Variants in SPATS2 observed in about 807,000 individuals in gnomAD.
SPATS2 encodes the protein spermatogenesis-associated serine-rich protein 2.
Under a neutral mutation model 63.7 loss-of-function variants are expected in SPATS2, and 38 were observed. The ratio of observed to expected loss-of-function variants is 0.60; its 90% CI spans 0.46 to 0.78. The LOEUF (loss-of-function observed/expected upper bound fraction) is 0.78, where lower values mean the gene tolerates loss of function less well. Ranked by LOEUF, SPATS2 falls within the 30% of genes least tolerant of loss-of-function variation. The pLI is 0.00. For missense variants in SPATS2, 588 were observed against 666.2 expected, an observed-to-expected ratio of 0.88 and a Z score of 1.29; for synonymous variants, 207 against 232.9, an observed-to-expected ratio of 0.89 and a Z score of 1.01.
At chr12:49,369,754 C>T (rs1592332132) in intron 1 of SPATS2, among the ~76,000 whole-genome samples, 3 of 152,322 alleles carry the variant, frequency 2.0e-5, no homozygotes, top group South Asian at 2.1e-4. Flanking sequence ...ATTTGTCCTG[C>T]GACCACACTT....
intron 3 of SPATS2, among the ~76,000 whole-genome samples, chr12:49,483,136 G>T (rs1239493389): frequency 8.1e-6 from 1 of 123,630 alleles, no homozygotes; most frequent in African/African-American, 3.1e-5. Flanking sequence ...TGTTGTTAAA[G>T]GAAAAAAAAA....
intron 3 of SPATS2, among the ~76,000 whole-genome samples, chr12:49,467,812 T>C (rs1592428281): frequency 6.6e-6 from 1 of 152,106 alleles, no homozygotes; most frequent in Non-Finnish European, 1.5e-5. Context: ...TATGCCATTC[T>C]CCTGCCTCAG....
chr12:49,524,440 A>G (rs1946997195), intron 12 of SPATS2, among the ~76,000 whole-genome samples: 1 of 152,204 alleles, frequency 6.6e-6, no homozygotes, highest in Admixed American at 6.5e-5. Flanking sequence ...GGAATGGGTA[A>G]CTTTGATTTT....
intron 2 of SPATS2, among the ~76,000 whole-genome samples, chr12:49,437,807 GGGGAGACCGTGGAAAAAGAGGGAGA>G (rs1463448657): frequency 5.3e-5 from 8 of 152,276 alleles, no homozygotes; most frequent in South Asian, 2.1e-4. Context: ...TCGGCATCAG[GGGGAGACCGTGGAAAAAGAGGGAGA>G]GGGAGACCGT....
intron 12 of SPATS2, among the ~76,000 whole-genome samples, chr12:49,523,672 C>G (rs565727171): frequency 6.6e-6 from 1 of 152,242 alleles, no homozygotes; most frequent in South Asian, 2.1e-4. Context: ...TGAAATATTG[C>G]CAGGCGCGGT....
chr12:49,372,940 T>TTGTGTGTGTGTGTG (rs56940721), intron 2 of SPATS2, among the ~76,000 whole-genome samples: 3 of 130,050 alleles, frequency 2.3e-5, no homozygotes, highest in African/African-American at 5.8e-5. Flanking sequence ...ATTTTCTGTT[T>TTGTGTGTGTGTGTG]TGTGTGTGTG....
At chr12:49,524,600 AT>A (rs1946999894) in intron 12 of SPATS2, 81 bp from the exon 13 acceptor site, 1 of 1,403,462 alleles carries the variant, frequency 7.1e-7, no homozygotes, top group African/African-American at 1.4e-5. Context: ...TAAATTGCTC[AT>A]TGTGAAATTG....
At chr12:49,376,865 C>T (rs1020627660) in intron 2 of SPATS2, among the ~76,000 whole-genome samples, 5 of 151,938 alleles carry the variant, frequency 3.3e-5, no homozygotes, top group Non-Finnish European at 5.9e-5. Context: ...ATTACAGGCT[C>T]CTGCCACTGT....
At chr12:49,379,550 CA>C (rs565753035) in intron 2 of SPATS2, among the ~76,000 whole-genome samples, 407 of 45,060 alleles carry the variant, frequency 9.0e-3, no homozygotes, top group African/African-American at 0.026. Context: ...GAATCCGTCT[CA>C]AAAAAAAAAA....
At chr12:49,524,934 AC>A in intron 13 of SPATS2, 38 bp downstream of exon 13, 1 of 1,590,500 alleles carries the variant, frequency 6.3e-7, no homozygotes. Flanking sequence ...TAGGAAGAAA[AC>A]CCTCCAGATT....
Position 49,489,498 on chromosome 12 carries a change from A to G in SPATS2, c.139A>G (p.Ser47Gly). The change falls in exon 5 of 14, where the codon AGC (serine) becomes GGC (glycine). Residue 47 changes from serine to glycine, a missense_variant. Physicochemically the swap from Ser to Gly is moderately conservative, Grantham distance 56. Coordinates refer to ENST00000552918, the MANE Select transcript of SPATS2 (RefSeq NM_023071.4). The part of the protein sequence containing the change: ...NAVRAIVPNK[S>G]NNEIILVLQH... ...GGTACGTGCAATAGTTCCTAATAAGAGCAACAATGAAATTATCCTGGTTTT... is the reference window on the plus strand; with the variant it reads ...GGTACGTGCAATAGTTCCTAATAAGGGCAACAATGAAATTATCCTGGTTTT... 1 of 1,613,870 alleles carries G rather than the reference A, an allele frequency of 6.2e-7. No individual in the cohort carries two copies. The highest frequency in any genetic ancestry group is 8.5e-7 in the Non-Finnish European group (1 of 1,179,858).
Position 49,522,825 on chromosome 12 carries a change from A to G in SPATS2, c.1083A>G (p.Leu361=). Residue 361 remains leucine (L), a synonymous_variant, in exon 12 of 14, where the codon CTA becomes CTG. Transcript: ENST00000552918. ...GGTTCACCTGTGATGTAGAGACCCTAAAGAAGAGCATTGATTCATTTGGAC... is the reference window on the plus strand; with the variant it reads ...GGTTCACCTGTGATGTAGAGACCCTGAAGAAGAGCATTGATTCATTTGGAC... The part of the protein sequence containing the change: ...VARFTCDVET[L]KKSIDSFGQV... The G allele has an allele frequency of 6.2e-7, 1 of 1,613,628 alleles. No individual in the cohort carries two copies. Among genetic ancestry groups the G allele is most frequent in the Non-Finnish European group, 8.5e-7 (1 of 1,179,674 alleles).
intron 2 of SPATS2, among the ~76,000 whole-genome samples, chr12:49,444,151 A>G (rs964050072): frequency 1.6e-4 from 25 of 151,536 alleles, no homozygotes; most frequent in Admixed American, 3.3e-4. Flanking sequence ...TATGTTTTCT[A>G]ATTTTCAGAG....
chr12:49,412,447 C>T (rs2065467773), intron 2 of SPATS2, among the ~76,000 whole-genome samples: 1 of 152,138 alleles, frequency 6.6e-6, no homozygotes, highest in African/African-American at 2.4e-5. Context: ...GGTGATCGGC[C>T]TGCCTTGGCC....
At chr12:49,447,831 T>A (rs1473708468) in intron 2 of SPATS2, among the ~76,000 whole-genome samples, 1 of 152,132 alleles carries the variant, frequency 6.6e-6, no homozygotes, top group Non-Finnish European at 1.5e-5. Context: ...CTTTGTTTTA[T>A]TCCTGATTTT....
At chr12:49,446,110 C>T (rs1194996484) in intron 2 of SPATS2, among the ~76,000 whole-genome samples, 1 of 151,364 alleles carries the variant, frequency 6.6e-6, no homozygotes, top group South Asian at 2.1e-4. Context: ...CACCATGTTG[C>T]CCAAGGTGGT....
At chr12:49,453,156 G>A (rs1038776040) in intron 2 of SPATS2, among the ~76,000 whole-genome samples, 3 of 123,804 alleles carry the variant, frequency 2.4e-5, no homozygotes, top group Admixed American at 7.9e-5. Context: ...GCGAGACTCC[G>A]TCTCAAAAAA....
At chr12:49,478,353 C>T (rs1394745970) in intron 3 of SPATS2, among the ~76,000 whole-genome samples, 1 of 152,126 alleles carries the variant, frequency 6.6e-6, no homozygotes, top group East Asian at 1.9e-4. Context: ...TTTCTTTGCA[C>T]TTATATTTGT....
chr12:49,380,158 CCTCT>C (rs1220125671), intron 2 of SPATS2, among the ~76,000 whole-genome samples: 5 of 150,706 alleles, frequency 3.3e-5, no homozygotes, highest in Non-Finnish European at 5.9e-5. Flanking sequence ...CAACCTCATT[CCTCT>C]CTCTCTTTTT....
Sources: allele counts gnomAD v4.1 joint callset (sites outside exome capture counted in the v4.1 genomes callset), GRCh38; gene constraint gnomAD v4.1.1; transcripts MANE v1.5; gene names NCBI Gene and HGNC (gene_info 2026-07-23, HGNC 2026-07-21).